The following DENND5B variants were observed in gnomAD, a reference collection of about 807,000 sequenced individuals.
DENND5B encodes the protein DENN domain-containing protein 5B.
Under a neutral mutation model 140.6 loss-of-function variants are expected in DENND5B, and 34 were observed. The ratio of observed to expected loss-of-function variants is 0.24; its 90% CI spans 0.18 to 0.32. The LOEUF (loss-of-function observed/expected upper bound fraction) is 0.32. Among genes scored for constraint, DENND5B ranks in the 10% least tolerant of loss-of-function variants. DENND5B has a pLI of 1.00. For missense variants in DENND5B, 1,142 were observed against 1,560.2 expected (o/e 0.73, Z 4.52); for synonymous variants, 551 against 562.1 (o/e 0.98, Z 0.28).
chr12:31,432,905 G>C, intron 8 of DENND5B: 1 of 399,480 alleles, frequency 2.5e-6, no homozygotes, highest in East Asian at 4.7e-5. Context: ...TCCTCAACTT[G>C]ATCTTTACTT....
chr12:31,397,374 T>C (rs1311869299), intron 17 of DENND5B, among the ~76,000 whole-genome samples: 1 of 151,040 alleles, frequency 6.6e-6, no homozygotes, highest in Non-Finnish European at 1.5e-5. Flanking sequence ...TGGGGAAACC[T>C]TGTCTCTACC....
intron 17 of DENND5B, among the ~76,000 whole-genome samples, 177 bp downstream of exon 17, chr12:31,397,998 T>A (rs1272605475): frequency 1.3e-5 from 2 of 152,184 alleles, no homozygotes; most frequent in Admixed American, 6.6e-5. Context: ...GCAAGTTTTT[T>A]AAAAAATTAG....
chr12:31,402,977 G>A (rs185870680), intron 14 of DENND5B, among the ~76,000 whole-genome samples: 10 of 152,166 alleles, frequency 6.6e-5, no homozygotes, highest in Admixed American at 3.3e-4. Flanking sequence ...TGTATATTGT[G>A]TTTTCATTGC....
chr12:31,426,399 A>G lies in DENND5B; in HGVS notation c.2132T>C (p.Leu711Ser), dbSNP rs1178517907. ...TTTGGGTTGCCTCAGGTTTTTTCCT[A>G]AACTTCGTGCCTCTTGCATATATTT... ...REKYMQEARS[L>S]GKNLRQPKLS... The change falls in exon 9 of 21, where the codon TTA (leucine) becomes TCA (serine). Residue 711 changes from leucine (L) to serine (S), a missense_variant. This residue lies in a region of DENND5B where 708 missense variants were observed against 905.5 expected (regional missense o/e 0.78). Coordinates refer to ENST00000389082, the MANE Select transcript of DENND5B (RefSeq NM_144973.4). The G allele has an allele frequency of 7.4e-6, 12 of 1,612,342 alleles. No homozygotes were observed. The highest frequency in any genetic ancestry group is 9.3e-6 in the Non-Finnish European group (11 of 1,179,096).
chr12:31,475,866 G>A (rs1356630828), intron 3 of DENND5B, among the ~76,000 whole-genome samples: 1 of 152,210 alleles, frequency 6.6e-6, no homozygotes, highest in Non-Finnish European at 1.5e-5. Flanking sequence ...GCTTACACCT[G>A]TAATCCCAGC....
At chr12:31,462,631 T>C (rs997138739) in intron 3 of DENND5B, among the ~76,000 whole-genome samples, 3 of 152,114 alleles carry the variant, frequency 2.0e-5, no homozygotes, top group East Asian at 1.9e-4. Flanking sequence ...TATGTTTTTT[T>C]TCCTCTTAAG....
chr12:31,540,918 A>G, intron 1 of DENND5B: 1 of 429,280 alleles, frequency 2.3e-6, no homozygotes, highest in Non-Finnish European at 4.6e-6. Flanking sequence ...CAGTGAACTC[A>G]CTTTAGACAA....
At chr12:31,442,366 T>C (rs1202015993) in intron 7 of DENND5B, among the ~76,000 whole-genome samples, 4 of 152,164 alleles carry the variant, frequency 2.6e-5, no homozygotes, top group Non-Finnish European at 4.4e-5. Context: ...CCCCCAAAAC[T>C]GTGGAAGAAT....
intron 1 of DENND5B, among the ~76,000 whole-genome samples, chr12:31,549,600 G>A (rs1285547979): frequency 6.6e-6 from 1 of 151,722 alleles, no homozygotes; most frequent in Admixed American, 6.6e-5. Flanking sequence ...TGTTACACAG[G>A]TAAATGTGTG....
At chr12:31,590,657 T>C in intron 1 of DENND5B, 49 bp downstream of exon 1, 1 of 1,413,652 alleles carries the variant, frequency 7.1e-7, no homozygotes, top group South Asian at 1.4e-5. Flanking sequence ...CCCCACAGCG[T>C]CCCCCGCGCC....
Position 31,462,665 on chromosome 12 carries a change from C to CA in DENND5B, c.905-2285dup, listed in dbSNP as rs1171393392. On this transcript the variant is annotated intron_variant, in intron 3 of 20. Coordinates refer to ENST00000389082, the MANE Select transcript of DENND5B (RefSeq NM_144973.4). ...AGTTCAACAGAATCCTAACAAAATACAAAAAAAGGCCGGGCAGGCACAGTG... is the reference window on the plus strand; with the variant it reads ...AGTTCAACAGAATCCTAACAAAATACAAAAAAAAGGCCGGGCAGGCACAGTG... Among the ~76,000 whole-genome samples the CA allele has an allele frequency of 2.0e-4, 31 of 151,922 alleles. 1 individual carries two copies. Among genetic ancestry groups the CA allele is most frequent in the Admixed American group, 9.8e-4 (15 of 15,244 alleles).
At chr12:31,560,816 T>C (rs1949448986) in intron 1 of DENND5B, among the ~76,000 whole-genome samples, 1 of 152,210 alleles carries the variant, frequency 6.6e-6, no homozygotes, top group African/African-American at 2.4e-5. Context: ...TGGGATACTT[T>C]TCCCAAATAT....
intron 1 of DENND5B, among the ~76,000 whole-genome samples, chr12:31,575,963 C>G (rs1949998910): frequency 6.6e-6 from 1 of 151,112 alleles, no homozygotes; most frequent in Non-Finnish European, 1.5e-5. Context: ...AAGACTGTCT[C>G]AAAAAACAGA....
intron 1 of DENND5B, among the ~76,000 whole-genome samples, chr12:31,509,560 A>AT (rs1947330503): frequency 6.6e-6 from 1 of 152,198 alleles, no homozygotes; most frequent in Non-Finnish European, 1.5e-5. Context: ...CATAAAAATA[A>AT]TTTTTAAAAA....
intron 6 of DENND5B, among the ~76,000 whole-genome samples, chr12:31,443,186 C>T (rs1392367700): frequency 6.6e-6 from 1 of 152,204 alleles, no homozygotes; most frequent in Non-Finnish European, 1.5e-5. Context: ...AACGATCCTC[C>T]TGCTTCAGCC....
chr12:31,570,278 T>TC (rs1406905873), intron 1 of DENND5B, among the ~76,000 whole-genome samples: 6 of 139,372 alleles, frequency 4.3e-5, no homozygotes, highest in African/African-American at 1.3e-4. Context: ...ATTCTCTCTC[T>TC]TTTTTTTTTT....
chr12:31,490,501 A>G (rs184051649), intron 2 of DENND5B, among the ~76,000 whole-genome samples: 1 of 152,106 alleles, frequency 6.6e-6, no homozygotes, highest in Admixed American at 6.6e-5. Context: ...AGTCTCAGCT[A>G]CTTGGGGGGC....
At chr12:31,449,955 T>C (rs1432150877) in intron 5 of DENND5B, among the ~76,000 whole-genome samples, 2 of 152,050 alleles carry the variant, frequency 1.3e-5, no homozygotes, top group Admixed American at 6.6e-5. Context: ...ATGGTCTCGA[T>C]CTCCTGACCT....
intron 14 of DENND5B, among the ~76,000 whole-genome samples, chr12:31,403,377 CTTCT>C (rs1941917090): frequency 1.0e-5 from 1 of 95,604 alleles, no homozygotes; most frequent in African/African-American, 2.9e-5. Flanking sequence ...CATGTCCTCC[CTTCT>C]TTTTTTTTCT....
Sources: allele counts gnomAD v4.1 joint callset (sites outside exome capture counted in the v4.1 genomes callset), GRCh38; gene constraint gnomAD v4.1.1; regional missense constraint gnomAD v4.1.1; transcripts MANE v1.5; gene names NCBI Gene and HGNC (gene_info 2026-07-23, HGNC 2026-07-21).